INPP5A: variants seen among roughly 807,000 people sequenced by gnomAD.
INPP5A encodes the protein inositol polyphosphate-5-phosphatase A, also known as 43 kDa inositol polyphosphate 5-phophatase.
Under a neutral mutation model 65.2 loss-of-function variants are expected in INPP5A, and 14 were observed. The ratio of observed to expected loss-of-function variants is 0.21; its 90% CI spans 0.14 to 0.34. INPP5A has a LOEUF of 0.34. INPP5A is among the 10% of genes least tolerant of loss of function. The pLI, the probability that INPP5A is intolerant of heterozygous loss-of-function variation, is 1.00. For synonymous variants in INPP5A, 207 were observed against 208.3 expected (o/e 0.99, Z 0.05); for missense variants, 431 against 545.6 (o/e 0.79, Z 2.09).
intron 6 of INPP5A, among the ~76,000 whole-genome samples, chr10:132,699,280 C>T (rs1845397417): frequency 6.7e-6 from 1 of 148,636 alleles, no homozygotes; most frequent in Non-Finnish European, 1.5e-5. Flanking sequence ...ACTCTGGCCT[C>T]TCTTGAACCC....
intron 4 of INPP5A, among the ~76,000 whole-genome samples, chr10:132,672,994 G>A (rs536335045): frequency 4.6e-5 from 7 of 152,280 alleles, no homozygotes; most frequent in South Asian, 2.1e-4. Flanking sequence ...GTAGTTTCCC[G>A]TTGACCTTAA....
In INPP5A at chr10:132,546,760, C is replaced by T. The variant is rs2133247628; in HGVS notation, c.75+8589C>T. Among the ~76,000 whole-genome samples, 1 of 152,300 alleles carries T rather than the reference C, an allele frequency of 6.6e-6. No homozygotes were observed. Among genetic ancestry groups the T allele is most frequent in the South Asian group, 2.1e-4 (1 of 4,828 alleles). On this transcript the variant is annotated intron_variant, in intron 1 of 15. Coordinates refer to ENST00000368594, the MANE Select transcript of INPP5A (RefSeq NM_005539.5). This position sits in a 1 kb window ranked among gnomAD's most constrained non-coding sequence, Gnocchi z 5.7. Reference sequence around the variant, plus strand: ...GGGCCCCCTGGGCTCTGGCCTGTCCCCTTGTCCCCACCTGACCGCCCAGCC... The same window carrying T: ...GGGCCCCCTGGGCTCTGGCCTGTCCTCTTGTCCCCACCTGACCGCCCAGCC...
At chr10:132,689,180 TGTGCTTTCAGCTGAGGACAG>T (rs1845212495) in intron 4 of INPP5A, among the ~76,000 whole-genome samples, 4 of 152,228 alleles carry the variant, frequency 2.6e-5, no homozygotes, top group Non-Finnish European at 5.9e-5. Flanking sequence ...CACCACGCCC[TGTGCTTTCAGCTGAGGACAG>T]GCCCTGTTCA....
intron 4 of INPP5A, among the ~76,000 whole-genome samples, chr10:132,682,379 G>A (rs776815248): frequency 2.0e-4 from 31 of 152,376 alleles, no homozygotes; most frequent in Non-Finnish European, 4.1e-4. Flanking sequence ...CTGAAGGTGG[G>A]TACGATGGTC....
Position 132,720,037 on chromosome 10 carries a change from G to A in INPP5A, c.648-6784G>A, listed in dbSNP as rs1320940090. Among the ~76,000 whole-genome samples, 5 of 149,124 alleles carry A rather than the reference G, an allele frequency of 3.4e-5. No homozygotes were observed. The East Asian group carries it at 6.2e-4, about 19-fold the overall frequency. ...GGGTTCTGTCTGGGCGCCTTAGACG[G>A]CTGTCTTGTGGGTTCTGTGGTACCT... On this transcript the variant is annotated intron_variant, in intron 8 of 15. Coordinates refer to ENST00000368594, the MANE Select transcript of INPP5A (RefSeq NM_005539.5).
chr10:132,680,981 C>T (rs1341692764), intron 4 of INPP5A, among the ~76,000 whole-genome samples: 2 of 152,234 alleles, frequency 1.3e-5, no homozygotes, highest in East Asian at 3.9e-4. Flanking sequence ...CGACGAGCTC[C>T]GCCCCCTGCT....
At position 132,545,430 on chromosome 10, in the gene INPP5A, C is replaced by T. The variant is rs1349865072; in HGVS notation, c.75+7259C>T. Among the ~76,000 whole-genome samples, 1 of 152,186 alleles carries T rather than the reference C, an allele frequency of 6.6e-6. No homozygotes were observed. The highest frequency in any genetic ancestry group is 1.5e-5 in the Non-Finnish European group (1 of 68,030). Reference sequence around the variant, plus strand: ...AGCTGTGGGGCTCACGGAGGGACAGCCTCCAGGAAGGTGGCCTCCATCCGG... The same window carrying T: ...AGCTGTGGGGCTCACGGAGGGACAGTCTCCAGGAAGGTGGCCTCCATCCGG... On this transcript the variant is annotated intron_variant, in intron 1 of 15. Coordinates refer to ENST00000368594, the MANE Select transcript of INPP5A (RefSeq NM_005539.5). The surrounding 1 kb of genome is among the most constrained non-coding windows in gnomAD (Gnocchi z 4.6).
chr10:132,571,357 A>G (rs905911714), intron 1 of INPP5A, among the ~76,000 whole-genome samples: 1 of 152,200 alleles, frequency 6.6e-6, no homozygotes, highest in Non-Finnish European at 1.5e-5. Flanking sequence ...CTCTGCTGGC[A>G]CGCCGGGCTC....
At chr10:132,724,642 C>T (rs986790298) in intron 8 of INPP5A, among the ~76,000 whole-genome samples, 4 of 150,758 alleles carry the variant, frequency 2.7e-5, no homozygotes, top group Admixed American at 6.6e-5. Context: ...GGGGGTTACT[C>T]ATTCTCCAGA....
Position 132,738,372 on chromosome 10 carries a change from C to T in INPP5A, c.733-11145C>T, listed in dbSNP as rs1288354148. Reference sequence around the variant, plus strand: ...GACAAGCATACAGGGGACCCTGGGACGAGGGCTGAGCTCTGTGTCCTGCGT... The same window carrying T: ...GACAAGCATACAGGGGACCCTGGGATGAGGGCTGAGCTCTGTGTCCTGCGT... On this transcript the variant is annotated intron_variant, in intron 9 of 15. Transcript: ENST00000368594. Among the ~76,000 whole-genome samples, 7 of 152,202 alleles carry T rather than the reference C, an allele frequency of 4.6e-5. No homozygotes were observed. The South Asian group carries it at 8.3e-4, about 18-fold the overall frequency.
intron 4 of INPP5A, among the ~76,000 whole-genome samples, chr10:132,677,877 C>T (rs1370312492): frequency 2.6e-4 from 40 of 152,182 alleles, no homozygotes; most frequent in Admixed American, 2.6e-3. Context: ...CCACGGGGCA[C>T]GCTTTATAAA....
intron 8 of INPP5A, among the ~76,000 whole-genome samples, chr10:132,721,433 A>C (rs1387486632): frequency 3.6e-5 from 5 of 137,526 alleles, no homozygotes; most frequent in Non-Finnish European, 6.2e-5. Context: ...GGCTGGCTTC[A>C]GGGTTCTGTG....
chr10:132,668,015 A>G lies in INPP5A; in HGVS notation c.306+17510A>G, dbSNP rs975240841. On this transcript the variant is annotated intron_variant, in intron 4 of 15. Transcript: ENST00000368594. ...CTTTTTGCTAAGTACATTGAACATA[A>G]GTTGGAGTGGAGATCTTTCAAGTGT... Among the ~76,000 whole-genome samples the G allele has an allele frequency of 1.8e-4, 27 of 152,332 alleles. No individual in the cohort carries two copies. The Middle Eastern group carries it at 0.01, about 58-fold the overall frequency.
chr10:132,724,184 A>G (rs1222699733), intron 8 of INPP5A, among the ~76,000 whole-genome samples: 2 of 152,242 alleles, frequency 1.3e-5, no homozygotes, highest in African/African-American at 2.4e-5. Context: ...AAAGATCTGC[A>G]GAAAAGAATA....
intron 1 of INPP5A, among the ~76,000 whole-genome samples, chr10:132,577,904 C>A (rs901655248): frequency 6.6e-6 from 1 of 152,214 alleles, no homozygotes; most frequent in East Asian, 1.9e-4. Context: ...GGCTCCCTGT[C>A]CTCGAGGGGT....
At chr10:132,560,733 G>A (rs1425910128) in intron 1 of INPP5A, among the ~76,000 whole-genome samples, 5 of 152,082 alleles carry the variant, frequency 3.3e-5, no homozygotes, top group South Asian at 2.1e-4. Flanking sequence ...AGTGTCTCAC[G>A]TAGCTGGGAC....
intron 11 of INPP5A, among the ~76,000 whole-genome samples, chr10:132,751,900 GGAGGCGGGTGCCCAGGAGGTGTCTGGGTA>G (rs71013547): frequency 4.6e-5 from 7 of 150,754 alleles, no homozygotes; most frequent in Middle Eastern, 3.5e-3. Flanking sequence ...GTGTCTGGGT[GGAGGCGGGTGCCCAGGAGGTGTCTGGGTA>G]GAGGCGGGTG....
At chr10:132,594,901 C>T (rs142648883) in intron 1 of INPP5A, among the ~76,000 whole-genome samples, 27 of 152,274 alleles carry the variant, frequency 1.8e-4, no homozygotes, top group African/African-American at 5.5e-4. Flanking sequence ...TAGTGACAGG[C>T]AGTTATTTAA....
intron 12 of INPP5A, among the ~76,000 whole-genome samples, chr10:132,770,485 C>T (rs1846929964): frequency 6.6e-6 from 1 of 152,218 alleles, no homozygotes; most frequent in Non-Finnish European, 1.5e-5. Context: ...TGTCTGTGGA[C>T]TCCTTACATA....
Sources: allele counts gnomAD v4.1 joint callset (sites outside exome capture counted in the v4.1 genomes callset), GRCh38; gene constraint gnomAD v4.1.1; non-coding constraint Gnocchi (gnomAD v3.1); transcripts MANE v1.5; gene names NCBI Gene and HGNC (gene_info 2026-07-23, HGNC 2026-07-21).